NID1: variants seen among roughly 807,000 people sequenced by gnomAD.
NID1 encodes nidogen 1.
A neutral mutation model predicts 130.6 loss-of-function variants in NID1; 76 were observed. The observed-to-expected ratio is 0.58, with a 90% CI of 0.48 to 0.70. The LOEUF (loss-of-function observed/expected upper bound fraction) is 0.70, where lower values mean the gene tolerates loss of function less well. Among genes scored for constraint, NID1 ranks in the 30% least tolerant of loss-of-function variants. NID1 has a pLI of 0.00. For synonymous variants in NID1, 665 were observed against 675.1 expected (o/e 0.98, Z 0.23); for missense variants, 1,517 against 1,664.8 (o/e 0.91, Z 1.54).
In NID1 at chr1:236,024,089, T is replaced by A; in HGVS notation, c.2109A>T (p.Gly703=). 5 of 1,614,172 alleles carry A rather than the reference T, an allele frequency of 3.1e-6. No individual in the cohort carries two copies. Among genetic ancestry groups the A allele is most frequent in the Non-Finnish European group, 4.2e-6 (5 of 1,180,040 alleles). Residue 703 remains glycine, a synonymous_variant, in exon 9 of 20, where the codon GGA becomes GGT. Coordinates refer to ENST00000264187, the MANE Select transcript of NID1 (RefSeq NM_002508.3). ...CTGTACCATAGCAGGTTCGCCCGTC[T>A]CCTCGGAAGCCGATGGAGCACTCGC... is the stretch of plus-strand genomic sequence containing the variant. ...FTCECSIGFR[G]DGRTCYDIDE... is the part of the protein sequence containing the mutation.
chr1:235,981,811 T>G, intron 15 of NID1, 29 bp from the exon 16 acceptor site: 1 of 1,564,374 alleles, frequency 6.4e-7, no homozygotes, highest in Non-Finnish European at 8.7e-7. Context: ...CTCCTCTAAT[T>G]TTTTTTGTTT....
intron 1 of NID1, among the ~76,000 whole-genome samples, chr1:236,056,205 G>A (rs1659895032): frequency 6.6e-6 from 1 of 152,092 alleles, no homozygotes; most frequent in African/African-American, 2.4e-5. Context: ...AAAACAATAA[G>A]GAAAAACTCC....
chr1:236,037,936 G>T (rs1002228011), intron 5 of NID1, among the ~76,000 whole-genome samples, 168 bp downstream of exon 5: 1 of 152,116 alleles, frequency 6.6e-6, no homozygotes, highest in Non-Finnish European at 1.5e-5. Flanking sequence ...GGGGATGCCT[G>T]TAGAGAATAC....
chr1:235,978,087 G>C, intron 19 of NID1, 99 bp from the exon 20 acceptor site: 1 of 1,443,076 alleles, frequency 6.9e-7, no homozygotes, highest in Non-Finnish European at 9.4e-7. Context: ...CCCCCTTTTA[G>C]TTTCCTTGAA....
Position 236,055,172 on chromosome 1 carries a change from C to T in NID1, c.226-6183G>A, listed in dbSNP as rs567757767. Among the ~76,000 whole-genome samples the T allele has an allele frequency of 6.5e-4, 98 of 151,736 alleles. 1 individual carries two copies. The South Asian group carries it at 0.019, about 29-fold the overall frequency. On this transcript the variant is annotated intron_variant, in intron 1 of 19. Coordinates refer to ENST00000264187, the MANE Select transcript of NID1 (RefSeq NM_002508.3). ...ACAAAAAATTAGCCGGGCGTGGTGGCGGGTGTCTGTAGTCCCAGCTACTCG... is the reference window on the plus strand; with the variant it reads ...ACAAAAAATTAGCCGGGCGTGGTGGTGGGTGTCTGTAGTCCCAGCTACTCG...
chr1:236,025,563 A>G (rs1658902562), intron 8 of NID1, among the ~76,000 whole-genome samples: 2 of 152,130 alleles, frequency 1.3e-5, no homozygotes, highest in African/African-American at 4.8e-5. Flanking sequence ...GACCTGGCCT[A>G]CAATTTCTTT....
At chr1:236,052,653 G>A (rs193072592) in intron 1 of NID1, among the ~76,000 whole-genome samples, 194 of 152,298 alleles carry the variant, frequency 1.3e-3, no homozygotes, top group African/African-American at 4.5e-3. Flanking sequence ...TGGGGTGTCC[G>A]TGTTCTCCCC....
At position 236,042,404 on chromosome 1, in the gene NID1, C is replaced by T. The variant is rs12033187; in HGVS notation, c.753-112G>A. On this transcript the variant is annotated intron_variant, in intron 3 of 19. Coordinates refer to ENST00000264187, the MANE Select transcript of NID1 (RefSeq NM_002508.3). The stretch of plus-strand genomic sequence containing the variant: ...GTGTTGGTCTGCAAGCCATCACCTG[C>T]AGCTAGGACTGGAGAGTGGAAGGGC... 592,684 of 1,333,822 alleles carry T rather than the reference C, an allele frequency of 0.44. 135,086 individuals carry two copies. The highest frequency in any genetic ancestry group is 0.68 in the East Asian group (29,311 of 43,250). The allele number at this position is 1,333,822 out of a possible 1,614,324, so 82.6% of individuals were successfully genotyped here.
intron 9 of NID1, among the ~76,000 whole-genome samples, chr1:236,022,145 T>C (rs1293901417): frequency 6.6e-6 from 1 of 152,032 alleles, no homozygotes; most frequent in East Asian, 1.9e-4. Context: ...GGCACACTTG[T>C]AGTCCCAGCT....
At chr1:236,037,354 T>C (rs1007970680) in intron 5 of NID1, among the ~76,000 whole-genome samples, 1 of 152,198 alleles carries the variant, frequency 6.6e-6, no homozygotes. Context: ...TGCTGGGACT[T>C]AGCAACCATT....
At chr1:236,002,406 G>C (rs1038883678) in intron 12 of NID1, among the ~76,000 whole-genome samples, 1 of 152,182 alleles carries the variant, frequency 6.6e-6, no homozygotes, top group Admixed American at 6.5e-5. Context: ...GGGAGATTGA[G>C]GCAGGAGAAT....
chr1:236,052,624 G>A (rs1659791685), intron 1 of NID1, among the ~76,000 whole-genome samples: 1 of 152,176 alleles, frequency 6.6e-6, no homozygotes, highest in Non-Finnish European at 1.5e-5. Flanking sequence ...TCTATTCCCT[G>A]CTGGAGCCAC....
intron 12 of NID1, among the ~76,000 whole-genome samples, chr1:236,009,049 T>C (rs1357141044): frequency 6.6e-6 from 1 of 152,172 alleles, no homozygotes; most frequent in African/African-American, 2.4e-5. Context: ...AAATAAAACA[T>C]TAGAAACGCA....
At chr1:236,012,110 T>A in intron 11 of NID1, 67 bp from the exon 12 acceptor site, 10 of 1,576,784 alleles carry the variant, frequency 6.3e-6, no homozygotes, top group Non-Finnish European at 6.9e-6. Flanking sequence ...TACCCAATAA[T>A]TTAAGCCACT....
At chr1:236,000,077 G>T (rs1658035134) in intron 12 of NID1, among the ~76,000 whole-genome samples, 1 of 152,062 alleles carries the variant, frequency 6.6e-6, no homozygotes, top group South Asian at 2.1e-4. Context: ...AGCTGGGCGT[G>T]GTGATGGGCG....
chr1:236,000,408 GATA>G (rs1287759842), intron 12 of NID1, among the ~76,000 whole-genome samples: 1 of 152,178 alleles, frequency 6.6e-6, no homozygotes, highest in African/African-American at 2.4e-5. Flanking sequence ...CAGGTTTTTA[GATA>G]ATAACTCAAC....
chr1:236,021,077 G>A (rs1326584075), intron 9 of NID1, among the ~76,000 whole-genome samples: 2 of 152,236 alleles, frequency 1.3e-5, no homozygotes, highest in African/African-American at 2.4e-5. Flanking sequence ...CTATCCAGGA[G>A]GCTTACGAAG....
At chr1:236,019,282 C>T (rs1375408153) in intron 9 of NID1, among the ~76,000 whole-genome samples, 2 of 152,226 alleles carry the variant, frequency 1.3e-5, no homozygotes, top group South Asian at 2.1e-4. Flanking sequence ...TTCCTGTGTC[C>T]ACTGCCTCTG....
chr1:236,011,659 A>C (rs1348620938), intron 12 of NID1, among the ~76,000 whole-genome samples: 1 of 152,152 alleles, frequency 6.6e-6, no homozygotes, highest in Non-Finnish European at 1.5e-5. Flanking sequence ...CCACCTCAAC[A>C]ACCCTTAGAA....
Sources: allele counts gnomAD v4.1 joint callset (sites outside exome capture counted in the v4.1 genomes callset), GRCh38; gene constraint gnomAD v4.1.1; transcripts MANE v1.5; gene names NCBI Gene and HGNC (gene_info 2026-07-23, HGNC 2026-07-21).